Variants in INSYN2B observed in about 807,000 individuals in gnomAD.
INSYN2B encodes the protein inhibitory synaptic factor family member 2B.
Under a neutral mutation model 41.2 loss-of-function variants are expected in INSYN2B, and 16 were observed. The observed-to-expected ratio is 0.39, with a 90% confidence interval of 0.26 to 0.59. The LOEUF is 0.59. Ranked by LOEUF, INSYN2B falls within the 20% of genes least tolerant of loss-of-function variation. The pLI, the probability that INSYN2B is intolerant of heterozygous loss-of-function variation, is 0.57. For synonymous variants in INSYN2B, 245 were observed against 244.4 expected (o/e 1.00, Z -0.02); for missense variants, 608 against 646.4 (o/e 0.94, Z 0.64).
intron 3 of INSYN2B, 60 bp downstream of exon 3, chr5:169,881,308 T>C (rs757468173): frequency 7.3e-6 from 10 of 1,370,986 alleles, no homozygotes; most frequent in Non-Finnish European, 1.0e-5. Context: ...TTTGCTAGAG[T>C]GTTCAGCGGA....
chr5:169,976,756 A>G (rs4293938), intron 1 of INSYN2B, among the ~76,000 whole-genome samples: 44,749 of 152,054 alleles, frequency 0.29, 7,493 homozygotes, highest in Middle Eastern at 0.39. Flanking sequence ...GTCTGTGCTT[A>G]AGAGCTGATC....
At chr5:169,910,242 G>C (rs1774518112) in intron 1 of INSYN2B, among the ~76,000 whole-genome samples, 1 of 152,172 alleles carries the variant, frequency 6.6e-6, no homozygotes, top group Non-Finnish European at 1.5e-5. Flanking sequence ...TTTCATGTTA[G>C]AAGTGGCCAT....
chr5:169,890,601 C>T (rs1773225528), intron 1 of INSYN2B, among the ~76,000 whole-genome samples: 4 of 152,142 alleles, frequency 2.6e-5, no homozygotes, highest in Admixed American at 2.0e-4. Context: ...CCTAAATCTA[C>T]ATTCTGTTGT....
intron 1 of INSYN2B, among the ~76,000 whole-genome samples, chr5:169,932,673 C>T (rs909948855): frequency 6.6e-6 from 1 of 151,918 alleles, no homozygotes; most frequent in Non-Finnish European, 1.5e-5. Flanking sequence ...AAGGAGAAAA[C>T]CCAAGGCTCT....
intron 1 of INSYN2B, among the ~76,000 whole-genome samples, chr5:169,907,079 A>G (rs1304712627): frequency 6.6e-6 from 1 of 152,188 alleles, no homozygotes; most frequent in African/African-American, 2.4e-5. Context: ...GATGCCAAAC[A>G]TAAATATGAG....
rs187017995 is a variant in INSYN2B at position 169,979,144 on chromosome 5, G to A, written c.-919+1133C>T. The stretch of plus-strand genomic sequence containing the variant: ...TCTTGCTAGCCTGGAGACTGCAAGG[G>A]GTCCCTCCACCCCTCTGTTCCCCAT... On this transcript the variant is annotated intron_variant, in intron 1 of 3. Coordinates refer to ENST00000377365, the MANE Select transcript of INSYN2B (RefSeq NM_001129891.3). Among the ~76,000 whole-genome samples the A allele has an allele frequency of 5.9e-3, 902 of 152,256 alleles. 5 individuals carry two copies. The highest frequency in any genetic ancestry group is 0.027 in the South Asian group (132 of 4,820).
At chr5:169,959,516 C>T (rs1776999406) in intron 1 of INSYN2B, among the ~76,000 whole-genome samples, 1 of 152,144 alleles carries the variant, frequency 6.6e-6, no homozygotes, top group African/African-American at 2.4e-5. Context: ...TCTAACAATT[C>T]TAATAGTCCA....
At chr5:169,971,321 C>T (rs1386063511) in intron 1 of INSYN2B, among the ~76,000 whole-genome samples, 2 of 152,078 alleles carry the variant, frequency 1.3e-5, no homozygotes, top group East Asian at 3.9e-4. Context: ...TGACAGGAAG[C>T]ACAAGCTGGG....
chr5:169,955,763 G>C (rs1162785302), intron 1 of INSYN2B, among the ~76,000 whole-genome samples: 2 of 152,144 alleles, frequency 1.3e-5, no homozygotes, highest in Admixed American at 6.5e-5. Flanking sequence ...TGGGCACTAA[G>C]AAATCCTGCC....
rs368469667 is a variant in INSYN2B at position 169,954,111 on chromosome 5, A to G, written c.-919+26166T>C. Among the ~76,000 whole-genome samples, 244 of 152,320 alleles carry G rather than the reference A, an allele frequency of 1.6e-3. 4 individuals carry two copies. The South Asian group carries it at 0.044, about 27-fold the overall frequency. ...ACCCCACATTTTATCAAACATACTG[A>G]AAGTCACCCACATTTCACATTAATT... On this transcript the variant is annotated intron_variant, in intron 1 of 3. Coordinates refer to ENST00000377365, the MANE Select transcript of INSYN2B (RefSeq NM_001129891.3).
At chr5:169,889,472 T>A (rs1220214825) in intron 1 of INSYN2B, among the ~76,000 whole-genome samples, 1 of 152,222 alleles carries the variant, frequency 6.6e-6, no homozygotes, top group Non-Finnish European at 1.5e-5. Context: ...TCATATGGAA[T>A]CTGTTCCTAA....
chr5:169,889,057 A>G (rs539487824), intron 1 of INSYN2B, among the ~76,000 whole-genome samples: 2 of 152,272 alleles, frequency 1.3e-5, no homozygotes, highest in Admixed American at 6.5e-5. Flanking sequence ...ACATGTGGTA[A>G]TGGTCTACTC....
intron 3 of INSYN2B, among the ~76,000 whole-genome samples, chr5:169,866,097 G>T (rs191663512): frequency 6.9e-6 from 1 of 145,272 alleles, no homozygotes; most frequent in Non-Finnish European, 1.6e-5. Flanking sequence ...TCAGAGGGGC[G>T]AGGGGGCCTG....
chr5:169,922,116 A>T (rs1581421013), intron 1 of INSYN2B, among the ~76,000 whole-genome samples: 1 of 152,328 alleles, frequency 6.6e-6, no homozygotes, highest in East Asian at 1.9e-4. Context: ...TTGAGAGAGA[A>T]CGTTAACATA....
intron 1 of INSYN2B, among the ~76,000 whole-genome samples, chr5:169,885,282 A>G (rs1772909038): frequency 6.6e-6 from 1 of 152,228 alleles, no homozygotes; most frequent in Non-Finnish European, 1.5e-5. Context: ...AGAGGCTGGA[A>G]CCATCTCATT....
intron 1 of INSYN2B, among the ~76,000 whole-genome samples, chr5:169,888,690 A>G (rs553744316): frequency 6.6e-6 from 1 of 152,312 alleles, no homozygotes; most frequent in East Asian, 1.9e-4. Context: ...CTTTCTGACT[A>G]TTGACTTGGA....
intron 3 of INSYN2B, among the ~76,000 whole-genome samples, chr5:169,873,110 G>C (rs968087019): frequency 6.6e-6 from 1 of 152,112 alleles, no homozygotes; most frequent in Non-Finnish European, 1.5e-5. Context: ...TATGGCATGT[G>C]TCAGCCTCTT....
At chr5:169,913,207 G>A (rs961953649) in intron 1 of INSYN2B, among the ~76,000 whole-genome samples, 2 of 152,184 alleles carry the variant, frequency 1.3e-5, no homozygotes, top group African/African-American at 4.8e-5. Context: ...TGCTATTGAA[G>A]TTTATAGAGC....
chr5:169,903,873 G>T (rs576667750), intron 1 of INSYN2B, among the ~76,000 whole-genome samples: 30 of 151,944 alleles, frequency 2.0e-4, no homozygotes, highest in Non-Finnish European at 4.0e-4. Context: ...GCCGAGGCAG[G>T]TGAATCACCT....
Sources: gnomAD v4.1 joint callset for allele counts (sites outside exome capture counted in the v4.1 genomes callset) on GRCh38, gnomAD v4.1.1 for gene constraint, MANE v1.5 for transcripts, NCBI Gene and HGNC (gene_info 2026-07-23, HGNC 2026-07-21) for gene names.